Variants in SCFD2 observed in about 807,000 individuals in gnomAD.
SCFD2 encodes sec1 family domain containing 2, also known as sec1 family domain-containing protein 2.
In SCFD2, 54 loss-of-function variants were observed where a neutral mutation model predicts 58.9. That is an observed-to-expected ratio of 0.92 (90% CI 0.74 to 1.15). The LOEUF is 1.15. Among genes scored for constraint, SCFD2 ranks in the 50% most tolerant of loss-of-function variants. The pLI, the probability that SCFD2 is intolerant of heterozygous loss-of-function variation, is 0.00. For missense variants in SCFD2, 805 were observed against 836.6 expected, an observed-to-expected ratio of 0.96 and a Z score of 0.47; for synonymous variants, 321 against 335.9, an observed-to-expected ratio of 0.96 and a Z score of 0.49.
intron 2 of SCFD2, among the ~76,000 whole-genome samples, chr4:53,328,143 AC>A (rs1553900653): frequency 1.3e-5 from 1 of 76,192 alleles, no homozygotes; most frequent in Non-Finnish European, 2.8e-5. Flanking sequence ...TCAAAAAAAA[AC>A]AAAAAAAAAA....
chr4:53,204,602 AG>A (rs2148971670), intron 4 of SCFD2, among the ~76,000 whole-genome samples: 1 of 151,134 alleles, frequency 6.6e-6, no homozygotes, highest in South Asian at 2.1e-4. Context: ...AAAATAGAAC[AG>A]GGATTTCAGA....
Position 52,873,730 on chromosome 4 carries a change from C to T in SCFD2, c.*239G>A, listed in dbSNP as rs1165516219. On this transcript the variant is annotated 3_prime_UTR_variant, in exon 9 of 9. Coordinates refer to ENST00000401642, the MANE Select transcript of SCFD2 (RefSeq NM_152540.4). Reference sequence around the variant, plus strand: ...AATGGAAACGATCACTAATTGGACTCGCCAAAAGACAGACTGTCGCCTTCA... The same window carrying T: ...AATGGAAACGATCACTAATTGGACTTGCCAAAAGACAGACTGTCGCCTTCA... The T allele has an allele frequency of 2.9e-6, 1 of 340,490 alleles. No homozygotes were observed. The highest frequency in any genetic ancestry group is 5.0e-5 in the South Asian group (1 of 20,100). The allele number at this position is 340,490 out of a possible 1,614,324, so 21.1% of individuals were successfully genotyped here.
intron 5 of SCFD2, among the ~76,000 whole-genome samples, chr4:53,142,052 CAAGTT>C (rs1726184582): frequency 2.0e-5 from 3 of 152,156 alleles, no homozygotes; most frequent in Non-Finnish European, 1.5e-5. Context: ...TTAATACAGT[CAAGTT>C]GACAAGTAAA....
chr4:53,241,199 CAG>C (rs1341105474), intron 4 of SCFD2, among the ~76,000 whole-genome samples: 2 of 152,188 alleles, frequency 1.3e-5, no homozygotes, highest in African/African-American at 4.8e-5. Flanking sequence ...AATGAGTTGG[CAG>C]AGAGATGCTC....
chr4:52,952,214 C>T (rs1720611357), intron 5 of SCFD2, among the ~76,000 whole-genome samples: 1 of 151,440 alleles, frequency 6.6e-6, no homozygotes, highest in Non-Finnish European at 1.5e-5. Flanking sequence ...CTACCATATC[C>T]CCTCTCACCT....
chr4:52,945,763 A>G (rs979064126), intron 5 of SCFD2: 1 of 152,186 alleles, frequency 6.6e-6, no homozygotes, highest in Non-Finnish European at 1.5e-5. Context: ...AAAATAACGT[A>G]AGTTTCAAAT....
chr4:53,212,976 G>A (rs574945689), intron 4 of SCFD2, among the ~76,000 whole-genome samples: 83 of 152,012 alleles, frequency 5.5e-4, no homozygotes, highest in Non-Finnish European at 6.8e-4. Context: ...GGTGGCCAAG[G>A]AAAATATTCA....
chr4:53,083,264 C>T (rs1311141477), intron 5 of SCFD2, among the ~76,000 whole-genome samples: 3 of 152,048 alleles, frequency 2.0e-5, no homozygotes, highest in Non-Finnish European at 4.4e-5. Flanking sequence ...CTTGAGAATA[C>T]TTAATTATAA....
In SCFD2 at chr4:53,172,612, G is replaced by A. The variant is rs1480916188; in HGVS notation, c.1312-27030C>T. 2.6e-5 allele frequency among the ~76,000 whole-genome samples: 4 copies of A among 152,246 alleles called. No homozygotes were observed. In the East Asian group the frequency reaches 5.8e-4, roughly 22 times the overall value. On this transcript the variant is annotated intron_variant, in intron 4 of 8. Transcript: ENST00000401642. ...TCTTCTTTGACCCATTGGTTGGTCA[G>A]GAGCATGTTGTTTAACTTCCACATA...
At chr4:52,925,813 C>G (rs1338443840) in intron 5 of SCFD2, among the ~76,000 whole-genome samples, 2 of 152,134 alleles carry the variant, frequency 1.3e-5, no homozygotes, top group East Asian at 3.9e-4. Flanking sequence ...AGGGGAGGCC[C>G]TCAAACCCCT....
At chr4:53,322,969 C>A (rs1330799864) in intron 2 of SCFD2, among the ~76,000 whole-genome samples, 2 of 152,150 alleles carry the variant, frequency 1.3e-5, no homozygotes, top group South Asian at 2.1e-4. Flanking sequence ...AATGTATCTG[C>A]CTGCTTCACC....
intron 5 of SCFD2, among the ~76,000 whole-genome samples, chr4:53,109,062 A>G (rs1725090992): frequency 6.6e-6 from 1 of 152,240 alleles, no homozygotes; most frequent in South Asian, 2.1e-4. Flanking sequence ...CTGGTTCAAC[A>G]TATGCAAATC....
At chr4:52,942,800 G>A (rs952691563) in intron 5 of SCFD2, among the ~76,000 whole-genome samples, 27 of 152,284 alleles carry the variant, frequency 1.8e-4, no homozygotes, top group African/African-American at 6.5e-4. Context: ...CTCAAAACAA[G>A]TGGGCTAGCA....
At chr4:53,044,744 A>G (rs985438334) in intron 5 of SCFD2, among the ~76,000 whole-genome samples, 3 of 151,922 alleles carry the variant, frequency 2.0e-5, no homozygotes, top group African/African-American at 7.3e-5. Flanking sequence ...GCTCTGTCCT[A>G]AGATTATTGG....
At chr4:53,073,408 A>G (rs903091610) in intron 5 of SCFD2, among the ~76,000 whole-genome samples, 2 of 152,134 alleles carry the variant, frequency 1.3e-5, no homozygotes, top group Non-Finnish European at 2.9e-5. Context: ...TTGCTTGGAT[A>G]AAGCTAATTT....
chr4:53,226,619 T>C (rs1577864687), intron 4 of SCFD2, among the ~76,000 whole-genome samples: 1 of 151,892 alleles, frequency 6.6e-6, no homozygotes, highest in Middle Eastern at 3.4e-3. Flanking sequence ...GGTGGAAAAA[T>C]AACAATAAAC....
intron 5 of SCFD2, among the ~76,000 whole-genome samples, chr4:52,965,842 T>C (rs1343542180): frequency 6.6e-6 from 1 of 152,236 alleles, no homozygotes. Context: ...TTGTGGTCTC[T>C]TTTCTATTAT....
At chr4:53,348,518 T>A (rs1251543082) in intron 2 of SCFD2, among the ~76,000 whole-genome samples, 1 of 152,234 alleles carries the variant, frequency 6.6e-6, no homozygotes, top group Non-Finnish European at 1.5e-5. Flanking sequence ...TCCCTCAGTC[T>A]TCCAAGCAAT....
At chr4:52,978,192 A>G (rs1721295449) in intron 5 of SCFD2, among the ~76,000 whole-genome samples, 1 of 152,192 alleles carries the variant, frequency 6.6e-6, no homozygotes, top group South Asian at 2.1e-4. Flanking sequence ...TAAGTGAGGA[A>G]GATACAGAAT....
Sources: allele counts gnomAD v4.1 joint callset (sites outside exome capture counted in the v4.1 genomes callset), GRCh38; gene constraint gnomAD v4.1.1; transcripts MANE v1.5; gene names NCBI Gene and HGNC (gene_info 2026-07-23, HGNC 2026-07-21).